The following ITPRID1 variants were observed in gnomAD, a reference collection of about 807,000 sequenced individuals.
The protein encoded by ITPRID1 is ITPR interacting domain containing 1.
A neutral mutation model predicts 95.4 loss-of-function variants in ITPRID1; 96 were observed. The observed-to-expected ratio is 1.01, with a 90% CI of 0.85 to 1.19. The LOEUF is 1.19. ITPRID1 is among the 50% of genes most tolerant of loss of function. The pLI is 0.00. For synonymous variants in ITPRID1, 510 were observed against 453.6 expected, an observed-to-expected ratio of 1.12 and a Z score of -1.58; for missense variants, 1,339 against 1,252.9, an observed-to-expected ratio of 1.07 and a Z score of -1.04.
chr7:31,549,474 A>G lies in ITPRID1; in HGVS notation c.-49A>G, dbSNP rs1244155754. On this transcript the variant is annotated 5_prime_UTR_variant, in exon 2 of 15. Coordinates refer to ENST00000615280, the MANE Select transcript of ITPRID1 (RefSeq NM_001257967.3). ...AGCAACACACAGAAGAGAAGGAAAA[A>G]GAAAGAAAACTGACCAATATGAGTG... 2.6e-6 allele frequency: 4 copies of G among 1,523,222 alleles called. No homozygotes were observed. The highest frequency in any genetic ancestry group is 2.6e-6 in the Non-Finnish European group (3 of 1,142,052). 94.4% of individuals were successfully genotyped at this position (1,523,222 alleles called of 1,614,324 possible).
chr7:31,519,620 C>CTCTCTCTCTCTATATATATATATATATA, intron 1 of ITPRID1, among the ~76,000 whole-genome samples: 3 of 25,266 alleles, frequency 1.2e-4, no homozygotes, highest in Admixed American at 5.9e-4. Flanking sequence ...CTCTCTCTCT[C>CTCTCTCTCTCTATATATATATATATATA]TATATATATA....
At chr7:31,535,293 T>A (rs10249561) in intron 1 of ITPRID1, among the ~76,000 whole-genome samples, 88,571 of 151,836 alleles carry the variant, frequency 0.58, 26,897 homozygotes, top group Middle Eastern at 0.71. Context: ...TGTCTTAACT[T>A]TTGTGCTCTT....
chr7:31,644,856 G>C (rs578237009), intron 12 of ITPRID1, among the ~76,000 whole-genome samples: 1 of 152,214 alleles, frequency 6.6e-6, no homozygotes, highest in African/African-American at 2.4e-5. Flanking sequence ...TATTCAGAGC[G>C]GGGTGAAGTG....
At chr7:31,567,588 T>G (rs919226460) in intron 5 of ITPRID1, among the ~76,000 whole-genome samples, 7 of 151,740 alleles carry the variant, frequency 4.6e-5, no homozygotes, top group Non-Finnish European at 8.8e-5. Flanking sequence ...TGACTCTTTT[T>G]TTTTTTTTTT....
intron 7 of ITPRID1, among the ~76,000 whole-genome samples, chr7:31,572,432 C>T (rs1785024080): frequency 6.6e-6 from 1 of 151,928 alleles, no homozygotes; most frequent in South Asian, 2.1e-4. Flanking sequence ...TACAGAATTC[C>T]ATATAGTGAT....
At position 31,643,887 on chromosome 7, in the gene ITPRID1, C is replaced by T. The variant is rs778044058; in HGVS notation, c.2517C>T (p.His839=). 1 of 1,613,752 alleles carries T rather than the reference C, an allele frequency of 6.2e-7. No individual in the cohort carries two copies. The highest frequency in any genetic ancestry group is 1.3e-5 in the African/African-American group (1 of 74,930). ...ACTGCCTGTGTTCACTAACTGGTCACCAGGAAGCCCAGTTCATGACGACTT... is the reference window on the plus strand; with the variant it reads ...ACTGCCTGTGTTCACTAACTGGTCATCAGGAAGCCCAGTTCATGACGACTT... The part of the protein sequence containing the change: ...CRHCLCSLTG[H]QEAQFMTTLK... The change falls in exon 12 of 15, where the codon CAC becomes CAT. Residue 839 remains histidine (H), a synonymous_variant. Transcript: ENST00000615280.
At chr7:31,518,793 T>G (rs1783127631) in intron 1 of ITPRID1, among the ~76,000 whole-genome samples, 1 of 152,182 alleles carries the variant, frequency 6.6e-6, no homozygotes, top group Non-Finnish European at 1.5e-5. Flanking sequence ...TTTGTAAATT[T>G]GCAAGGACAA....
chr7:31,620,110 C>G (rs1787692773), intron 10 of ITPRID1, among the ~76,000 whole-genome samples: 1 of 152,194 alleles, frequency 6.6e-6, no homozygotes, highest in Admixed American at 6.5e-5. Flanking sequence ...CCGGGAAGCT[C>G]CAACTGGGTG....
intron 10 of ITPRID1, among the ~76,000 whole-genome samples, chr7:31,588,717 G>T (rs1329375057): frequency 6.6e-6 from 1 of 151,284 alleles, no homozygotes; most frequent in East Asian, 1.9e-4. Context: ...AGAGAAGGAG[G>T]AAAATCACAG....
At position 31,642,738 on chromosome 7, in the gene ITPRID1, A is replaced by G. The variant is rs1444810693; in HGVS notation, c.1368A>G (p.Arg456=). 1 of 1,614,030 alleles carries G rather than the reference A, an allele frequency of 6.2e-7. No homozygotes were observed. Among genetic ancestry groups the G allele is most frequent in the East Asian group, 2.2e-5 (1 of 44,878 alleles). Residue 456 remains arginine, a synonymous_variant, in exon 12 of 15, where the codon AGA becomes AGG. Transcript: ENST00000615280. ...CTGAGAATGGAGGTAGAAAGCCAAG[A>G]GATCAGAGCCACAGCTTAGTATCAT... ...SPAENGGRKP[R]DQSHSLVSSQ... is the part of the protein sequence containing the mutation.
At chr7:31,545,127 G>T (rs531749764) in intron 1 of ITPRID1, among the ~76,000 whole-genome samples, 13 of 152,198 alleles carry the variant, frequency 8.5e-5, no homozygotes, top group Middle Eastern at 6.8e-3. Flanking sequence ...TAGAGTCAGG[G>T]GTGAAGAGTG....
At chr7:31,560,325 G>A (rs1784583943) in intron 5 of ITPRID1, among the ~76,000 whole-genome samples, 2 of 152,186 alleles carry the variant, frequency 1.3e-5, no homozygotes, top group Admixed American at 1.3e-4. Context: ...GTATATCCCT[G>A]TAAGTATTTT....
intron 12 of ITPRID1, 85 bp from the exon 13 acceptor site, chr7:31,651,056 CA>C: frequency 6.8e-7 from 1 of 1,475,770 alleles, no homozygotes; most frequent in Non-Finnish European, 9.1e-7. Context: ...AAAGGGATCC[CA>C]AATGGGAAGA....
In ITPRID1 at chr7:31,515,345, G is replaced by A. The variant is rs73305460; in HGVS notation, c.-98+1225G>A. ...TGTGGTATGTCCATGCAATGGACTAGTATGTAGCCACTAAAAATAAGTCAA... is the reference window on the plus strand; with the variant it reads ...TGTGGTATGTCCATGCAATGGACTAATATGTAGCCACTAAAAATAAGTCAA... On this transcript the variant is annotated intron_variant, in intron 1 of 14. Coordinates refer to ENST00000615280, the MANE Select transcript of ITPRID1 (RefSeq NM_001257967.3). Among the ~76,000 whole-genome samples the A allele has an allele frequency of 8.3e-3, 1,262 of 151,318 alleles. 15 individuals carry two copies. The highest frequency in any genetic ancestry group is 0.026 in the African/African-American group (1,077 of 41,334).
At position 31,578,344 on chromosome 7, in the gene ITPRID1, A is replaced by G; in HGVS notation, c.1080A>G (p.Arg360=). ...SCVSEGSVKG[R]TQKENLFQTN... ...TGTCTGAGGGGTCAGTCAAGGGCAG[A>G]ACTCAGAAGGAGAACTTATTTCAGA... is the stretch of plus-strand genomic sequence containing the variant. Residue 360 remains arginine (R), a synonymous_variant, in exon 9 of 15, where the codon AGA becomes AGG. Coordinates refer to ENST00000615280, the MANE Select transcript of ITPRID1 (RefSeq NM_001257967.3). The G allele has an allele frequency of 6.2e-7, 1 of 1,613,908 alleles. No homozygotes were observed. The highest frequency in any genetic ancestry group is 8.5e-7 in the Non-Finnish European group (1 of 1,179,840).
chr7:31,617,941 A>C (rs1787423741), intron 10 of ITPRID1, among the ~76,000 whole-genome samples: 1 of 152,214 alleles, frequency 6.6e-6, no homozygotes, highest in Non-Finnish European at 1.5e-5. Flanking sequence ...TGTAGTAAAG[A>C]AAATGGTAGG....
In ITPRID1 at chr7:31,577,886, C is replaced by A. The variant is rs1487824822; in HGVS notation, c.622C>A (p.Leu208Met). 6.2e-7 allele frequency: 1 copy of A among 1,605,026 alleles called. No homozygotes were observed. Among genetic ancestry groups the A allele is most frequent in the Non-Finnish European group, 8.5e-7 (1 of 1,175,554 alleles). The change falls in exon 9 of 15, where the codon CTG becomes ATG. Residue 208 changes from leucine to methionine, a missense_variant. Coordinates refer to ENST00000615280, the MANE Select transcript of ITPRID1 (RefSeq NM_001257967.3). The stretch of plus-strand genomic sequence containing the variant: ...AGGTCGTTTCCGACAGCTGGAAATC[C>A]TGGACCATGTGACCAATGCCTTCTC... ...LYGRFRQLEILDHVTNAFSSL... is the reference protein window; with the variant it reads ...LYGRFRQLEIMDHVTNAFSSL...
At chr7:31,567,494 G>A (rs1470184344) in intron 5 of ITPRID1, among the ~76,000 whole-genome samples, 3 of 152,058 alleles carry the variant, frequency 2.0e-5, no homozygotes, top group Non-Finnish European at 4.4e-5. Context: ...CATGGGAGTA[G>A]CATTGGGAGT....
At chr7:31,616,734 G>A (rs1216060802) in intron 10 of ITPRID1, among the ~76,000 whole-genome samples, 1 of 152,032 alleles carries the variant, frequency 6.6e-6, no homozygotes, top group Non-Finnish European at 1.5e-5. Flanking sequence ...AGCAGCATAA[G>A]GATTATGTAC....
Sources: gnomAD v4.1 joint callset for allele counts (sites outside exome capture counted in the v4.1 genomes callset) on GRCh38, gnomAD v4.1.1 for gene constraint, MANE v1.5 for transcripts, NCBI Gene and HGNC (gene_info 2026-07-23, HGNC 2026-07-21) for gene names.